SPTBN1: variants seen among roughly 807,000 people sequenced by gnomAD.
SPTBN1 encodes the protein spectrin beta chain, non-erythrocytic 1.
In SPTBN1, 32 loss-of-function variants were observed where a neutral mutation model predicts 266.4. The ratio of observed to expected loss-of-function variants is 0.12; its 90% CI spans 0.09 to 0.16. The LOEUF is 0.16. SPTBN1 is among the 10% of genes least tolerant of loss of function. The probability of loss-of-function intolerance (pLI) is 1.00; values close to 1 mark genes in which losing one functional copy is unlikely to be tolerated. For synonymous variants in SPTBN1, 1,336 were observed against 1,162.2 expected, an observed-to-expected ratio of 1.15 and a Z score of -3.04; for missense variants, 2,296 against 3,067.1, an observed-to-expected ratio of 0.75 and a Z score of 5.94.
In SPTBN1 at chr2:54,667,643, C is replaced by T. The variant is rs748561312; in HGVS notation, c.6873C>T (p.Asp2291=). 33 of 1,613,314 alleles carry T rather than the reference C, an allele frequency of 2.0e-5. No individual in the cohort carries two copies. Among genetic ancestry groups the T allele is most frequent in the Non-Finnish European group, 2.6e-5 (31 of 1,179,458 alleles). ...DGNEYLFQAK[D]DEEMNTWIQA... is the part of the protein sequence containing the mutation. ...ATGAGTACCTCTTCCAAGCCAAAGACGATGTAAGTTTCTAAATGTTATTTC... is the reference window on the plus strand; with the variant it reads ...ATGAGTACCTCTTCCAAGCCAAAGATGATGTAAGTTTCTAAATGTTATTTC... The change falls in exon 35 of 36, where the codon GAC becomes GAT. Residue 2291 remains aspartate, a synonymous_variant. Transcript: ENST00000356805.
intron 2 of SPTBN1, among the ~76,000 whole-genome samples, chr2:54,538,324 G>A (rs1033780815): frequency 2.0e-5 from 3 of 152,110 alleles, no homozygotes; most frequent in Non-Finnish European, 4.4e-5. Context: ...TGCATCTTTG[G>A]ATTCTCAAGA....
chr2:54,469,726 C>T (rs1486760271), intron 1 of SPTBN1, among the ~76,000 whole-genome samples: 1 of 152,308 alleles, frequency 6.6e-6, no homozygotes, highest in East Asian at 1.9e-4. Flanking sequence ...AGCCAGTCCT[C>T]TGAGCAGATG....
rs1392293475 is a variant in SPTBN1 at position 54,623,565 on chromosome 2, G to A, written c.1151G>A (p.Arg384Gln). Residue 384 changes from arginine to glutamine, a missense_variant, in exon 10 of 36, where the codon CGG becomes CAG. This residue lies in a region of SPTBN1 where 148 missense variants were observed against 203.8 expected (regional missense o/e 0.73). Coordinates refer to ENST00000356805, the MANE Select transcript of SPTBN1 (RefSeq NM_003128.3). ...AACAACCAGAAGGTCTACATGCCCCGGGAGGGGAAGCTCATCTCTGACATC... is the reference window on the plus strand; with the variant it reads ...AACAACCAGAAGGTCTACATGCCCCAGGAGGGGAAGCTCATCTCTGACATC... ...RANNQKVYMP[R>Q]EGKLISDINK... 4 of 1,614,100 alleles carry A rather than the reference G, an allele frequency of 2.5e-6. No individual in the cohort carries two copies. The highest frequency in any genetic ancestry group is 2.2e-5 in the East Asian group (1 of 44,890).
intron 18 of SPTBN1, among the ~76,000 whole-genome samples, chr2:54,638,103 A>C (rs989040856): frequency 6.6e-6 from 1 of 152,242 alleles, no homozygotes; most frequent in Admixed American, 6.5e-5. Context: ...TAAATTAACT[A>C]TAATTACATA....
Position 54,629,809 on chromosome 2 carries a change from C to A in SPTBN1, c.2669+6C>A. 3 of 1,608,998 alleles carry A rather than the reference C, an allele frequency of 1.9e-6. No individual in the cohort carries two copies. The highest frequency in any genetic ancestry group is 2.5e-6 in the Non-Finnish European group (3 of 1,178,282). On this transcript the variant is annotated splice_donor_region_variant and intron_variant, in intron 14 of 35. Transcript: ENST00000356805. Reference sequence around the variant, plus strand: ...CTGGAGGTCATCCAGCACAGGTGAGCGGGGCGCTGGTCAGCCACTGGCCTG... The same window carrying A: ...CTGGAGGTCATCCAGCACAGGTGAGAGGGGCGCTGGTCAGCCACTGGCCTG...
chr2:54,633,956 T>C (rs1678941282), intron 17 of SPTBN1, among the ~76,000 whole-genome samples: 1 of 152,214 alleles, frequency 6.6e-6, no homozygotes, highest in Non-Finnish European at 1.5e-5. Flanking sequence ...TATAATTTTG[T>C]ATCTGTTGCT....
intron 3 of SPTBN1, among the ~76,000 whole-genome samples, chr2:54,603,400 C>T (rs923420084): frequency 2.6e-5 from 4 of 152,184 alleles, no homozygotes; most frequent in African/African-American, 9.7e-5. Context: ...CTACTCTTTT[C>T]TCATTCAGTT....
chr2:54,581,685 A>G (rs1043570782), intron 2 of SPTBN1, among the ~76,000 whole-genome samples: 8 of 150,704 alleles, frequency 5.3e-5, no homozygotes, highest in African/African-American at 1.5e-4. Context: ...TGAGCTAATA[A>G]ACAAGAGTAA....
chr2:54,656,807 G>C lies in SPTBN1; in HGVS notation c.6046+809G>C, dbSNP rs181564071. Among the ~76,000 whole-genome samples, 31 of 152,318 alleles carry C rather than the reference G, an allele frequency of 2.0e-4. No individual in the cohort carries two copies. The East Asian group carries it at 5.4e-3, about 27-fold the overall frequency. On this transcript the variant is annotated intron_variant, in intron 29 of 35. Transcript: ENST00000356805. Reference sequence around the variant, plus strand: ...CATTCTTTGCAGGAGGATTTGGTCTGTATGTTTTGAGAATTGTGGGGCAGT... The same window carrying C: ...CATTCTTTGCAGGAGGATTTGGTCTCTATGTTTTGAGAATTGTGGGGCAGT...
At chr2:54,598,452 T>C (rs957713620) in intron 2 of SPTBN1, among the ~76,000 whole-genome samples, 3 of 92,884 alleles carry the variant, frequency 3.2e-5, no homozygotes, top group African/African-American at 1.6e-4. Context: ...CACTCTACCA[T>C]GTTGCTTGCC....
At chr2:54,474,450 C>G (rs1558757554) in intron 1 of SPTBN1, among the ~76,000 whole-genome samples, 2 of 152,072 alleles carry the variant, frequency 1.3e-5, no homozygotes, top group African/African-American at 4.8e-5. Context: ...GTCATTAACC[C>G]TTCTCGGTCT....
At chr2:54,546,935 T>C (rs1672274173) in intron 2 of SPTBN1, among the ~76,000 whole-genome samples, 1 of 144,858 alleles carries the variant, frequency 6.9e-6, no homozygotes, top group Non-Finnish European at 1.5e-5. Flanking sequence ...AAGTATGTTT[T>C]TAAAATTCAT....
chr2:54,514,330 A>G (rs1207543112), intron 1 of SPTBN1, among the ~76,000 whole-genome samples: 3 of 152,236 alleles, frequency 2.0e-5, no homozygotes, highest in African/African-American at 7.2e-5. Context: ...TTAAAAAACA[A>G]TTAATTTCCA....
In SPTBN1 at chr2:54,540,542, C is replaced by T. The variant is rs1671872676; in HGVS notation, c.148+13976C>T. The T allele has an allele frequency of 6.6e-6, 1 of 152,174 alleles. No homozygotes were observed. Among genetic ancestry groups the T allele is most frequent in the African/African-American group, 2.4e-5 (1 of 41,430 alleles). 9.4% of individuals were successfully genotyped at this position (152,174 alleles called of 1,614,324 possible). On this transcript the variant is annotated intron_variant, in intron 2 of 35. Transcript: ENST00000356805. This position sits in a 1 kb window ranked among gnomAD's most constrained non-coding sequence, Gnocchi z 5.6. ...AAGCTAAAGATTTCTTTAGTTTTCT[C>T]TTCCTTCCTTAGGTCACTGGGATGT...
chr2:54,641,357 G>T (rs1021454120), intron 18 of SPTBN1, among the ~76,000 whole-genome samples: 1 of 152,198 alleles, frequency 6.6e-6, no homozygotes, highest in Non-Finnish European at 1.5e-5. Flanking sequence ...GAAAATATGT[G>T]AATGTCCTTG....
intron 2 of SPTBN1, among the ~76,000 whole-genome samples, chr2:54,583,480 G>C (rs1675084403): frequency 6.6e-6 from 1 of 152,112 alleles, no homozygotes; most frequent in African/African-American, 2.4e-5. Context: ...GATACCTGGA[G>C]GCTGACCCTG....
intron 11 of SPTBN1, among the ~76,000 whole-genome samples, chr2:54,625,712 T>C (rs1678276689): frequency 6.6e-6 from 1 of 152,162 alleles, no homozygotes; most frequent in South Asian, 2.1e-4. Flanking sequence ...TGCCTTAGCC[T>C]ACCAAGTAGC....
rs1671876358 is a variant in SPTBN1, at chr2:54,540,612, T to A, written c.148+14046T>A. 1 of 152,216 alleles carries A rather than the reference T, an allele frequency of 6.6e-6. No individual in the cohort carries two copies. Among genetic ancestry groups the A allele is most frequent in the South Asian group, 2.1e-4 (1 of 4,826 alleles). 9.4% of individuals were successfully genotyped at this position (152,216 alleles called of 1,614,324 possible). A position where few individuals can be genotyped will look rare whatever the true frequency, so the allele number is the denominator to read the frequency against. On this transcript the variant is annotated intron_variant, in intron 2 of 35. Transcript: ENST00000356805. The surrounding 1 kb of genome is among the most constrained non-coding windows in gnomAD (Gnocchi z 5.6). ...TTGCCTCTTTACCTTCCATGTTCCT[T>A]GGATATCAGGGGCACTCAGTAGAGG...
chr2:54,486,656 C>A (rs1470303252), intron 1 of SPTBN1, among the ~76,000 whole-genome samples: 1 of 151,802 alleles, frequency 6.6e-6, no homozygotes, highest in Non-Finnish European at 1.5e-5. Context: ...GACCTTCCCT[C>A]CACTATTGTC....
Sources: allele counts gnomAD v4.1 joint callset (sites outside exome capture counted in the v4.1 genomes callset), GRCh38; gene constraint gnomAD v4.1.1; regional missense constraint gnomAD v4.1.1; non-coding constraint Gnocchi (gnomAD v3.1); transcripts MANE v1.5; gene names NCBI Gene and HGNC (gene_info 2026-07-23, HGNC 2026-07-21).